Variants in PITPNM2 observed in about 807,000 individuals in gnomAD.
PITPNM2 encodes the protein phosphatidylinositol transfer protein membrane associated 2, also known as membrane-associated phosphatidylinositol transfer protein 2.
Under a neutral mutation model 132.2 loss-of-function variants are expected in PITPNM2, and 35 were observed. That is an observed-to-expected ratio of 0.26 (90% CI 0.20 to 0.35). The LOEUF (loss-of-function observed/expected upper bound fraction) is 0.35. Ranked by LOEUF, PITPNM2 falls within the 10% of genes least tolerant of loss-of-function variation. The probability of loss-of-function intolerance (pLI) is 1.00; values close to 1 mark genes in which losing one functional copy is unlikely to be tolerated. For missense variants in PITPNM2, 1,332 were observed against 1,912.0 expected, an observed-to-expected ratio of 0.70 and a Z score of 5.66; for synonymous variants, 738 against 799.2, an observed-to-expected ratio of 0.92 and a Z score of 1.29.
Position 122,987,336 on chromosome 12 carries a change from C to T in PITPNM2, c.3358G>A (p.Val1120Met), listed in dbSNP as rs147284580. The T allele has an allele frequency of 2.9e-5, 46 of 1,612,570 alleles. No individual in the cohort carries two copies. In the African/African-American group the frequency reaches 3.2e-4, roughly 11 times the overall value. The change falls in exon 23 of 26, where the codon GTG (valine) becomes ATG (methionine). Residue 1120 changes from valine to methionine, a missense_variant. Physicochemically the swap from Val to Met is conservative, Grantham distance 21. Coordinates refer to ENST00000320201, the MANE Select transcript of PITPNM2 (RefSeq NM_020845.3). ...FSIDGSFAAS[V>M]SIMGSDPKVR... is the part of the protein sequence containing the mutation. ...TTGGGGTCGCTGCCCATGATGGACA[C>T]GCTAGCGGCAAAGGAACCGTCGATG...
At chr12:123,110,071 C>T (rs2042804505) in intron 2 of PITPNM2, among the ~76,000 whole-genome samples, 1 of 152,172 alleles carries the variant, frequency 6.6e-6, no homozygotes, top group African/African-American at 2.4e-5. Context: ...GATCGTCCTA[C>T]ATCAGCCTCC....
rs548061306 is a variant in PITPNM2 at position 123,131,799 on chromosome 12, A to C, written c.-200+18954T>G. 3.9e-5 allele frequency among the ~76,000 whole-genome samples: 6 copies of C among 152,342 alleles called. No individual in the cohort carries two copies. In the South Asian group the frequency reaches 1.0e-3, roughly 26 times the overall value. On this transcript the variant is annotated intron_variant, in intron 1 of 25. Transcript: ENST00000320201. Reference sequence around the variant, plus strand: ...TGACTGCTTACTGGAAGGGATCATCACATGTGCCAGACACAAGGATGAATC... The same window carrying C: ...TGACTGCTTACTGGAAGGGATCATCCCATGTGCCAGACACAAGGATGAATC...
intron 2 of PITPNM2, among the ~76,000 whole-genome samples, chr12:123,037,328 G>C (rs1566260689): frequency 1.3e-5 from 2 of 152,320 alleles, no homozygotes; most frequent in East Asian, 3.9e-4. Flanking sequence ...TTGGAGACGG[G>C]AAGGGAAAAT....
chr12:123,009,974 G>A lies in PITPNM2; in HGVS notation c.519C>T (p.Ser173=), dbSNP rs755275047. 6 of 1,614,054 alleles carry A rather than the reference G, an allele frequency of 3.7e-6. No homozygotes were observed. The African/African-American group carries it at 4.0e-5, about 11-fold the overall frequency. ...QSTKTQRGPL[S]ENWIEEYKKQ... ...TCTTGTACTCCTCGATCCAGTTCTC[G>A]GACAGGGGCCCCCGCTGGGTCTTGG... is the stretch of plus-strand genomic sequence containing the variant. Residue 173 remains serine (S), a synonymous_variant, in exon 6 of 26, where the codon TCC becomes TCT. Coordinates refer to ENST00000320201, the MANE Select transcript of PITPNM2 (RefSeq NM_020845.3). This position sits in a 1 kb window ranked among gnomAD's most constrained non-coding sequence, Gnocchi z 4.8.
chr12:123,132,210 C>T (rs189053204), intron 1 of PITPNM2, among the ~76,000 whole-genome samples: 121 of 152,358 alleles, frequency 7.9e-4, no homozygotes, highest in African/African-American at 2.6e-3. Context: ...ACATGCCCAA[C>T]GTCAGGTGCA....
In PITPNM2 at chr12:123,005,297, C is replaced by G; in HGVS notation, c.895G>C (p.Gly299Arg). 2 of 1,613,994 alleles carry G rather than the reference C, an allele frequency of 1.2e-6. No homozygotes were observed. The highest frequency in any genetic ancestry group is 1.7e-6 in the Non-Finnish European group (2 of 1,180,004). Residue 299 changes from glycine to arginine, a missense_variant, in exon 7 of 26, where the codon GGC becomes CGC. Gly to Arg is a moderately radical substitution (Grantham distance 125, BLOSUM62 -2). Coordinates refer to ENST00000320201, the MANE Select transcript of PITPNM2 (RefSeq NM_020845.3). This position sits in a 1 kb window ranked among gnomAD's most constrained non-coding sequence, Gnocchi z 6.2. ...GATGTGGACCACTGTTTCTTGAGGC[C>G]GCGCCCCACTAGGGGCTCCCCATTG... The part of the protein sequence containing the change: ...SSNGEPLVGR[G>R]LKKQWSTSSK...
At position 122,993,000 on chromosome 12, in the gene PITPNM2, T is replaced by TG. The variant is rs1346665410; in HGVS notation, c.2234-332_2234-331insC. Among the ~76,000 whole-genome samples, 1 of 152,056 alleles carries TG rather than the reference T, an allele frequency of 6.6e-6. No individual in the cohort carries two copies. The highest frequency in any genetic ancestry group is 1.5e-5 in the Non-Finnish European group (1 of 68,014). On this transcript the variant is annotated intron_variant, in intron 15 of 25. Coordinates refer to ENST00000320201, the MANE Select transcript of PITPNM2 (RefSeq NM_020845.3). The surrounding 1 kb of genome is among the most constrained non-coding windows in gnomAD (Gnocchi z 6.5). ...ACCACCACACCTGGCTTTTTTATTTTATTTTTTGTAGAGATGGGGTCTTAC... is the reference window on the plus strand; with the variant it reads ...ACCACCACACCTGGCTTTTTTATTTTGATTTTTTGTAGAGATGGGGTCTTAC...
At chr12:122,997,826 G>A (rs761575703) in intron 10 of PITPNM2, among the ~76,000 whole-genome samples, 4 of 152,158 alleles carry the variant, frequency 2.6e-5, no homozygotes, top group Non-Finnish European at 1.5e-5. Flanking sequence ...CTGCAGCCCT[G>A]CTCCTGTCTG....
chr12:123,116,820 C>G (rs2137397402), intron 1 of PITPNM2, among the ~76,000 whole-genome samples: 1 of 152,218 alleles, frequency 6.6e-6, no homozygotes, highest in South Asian at 2.1e-4. Context: ...GCCAGCAGCC[C>G]TAGCAGATAC....
intron 2 of PITPNM2, among the ~76,000 whole-genome samples, chr12:123,069,986 G>A (rs1249785158): frequency 1.3e-5 from 2 of 152,146 alleles, no homozygotes; most frequent in South Asian, 2.1e-4. Context: ...CTCTGCACCC[G>A]GTGCTCATAT....
At chr12:123,011,701 C>G (rs61592192) in intron 5 of PITPNM2, among the ~76,000 whole-genome samples, 6,371 of 152,136 alleles carry the variant, frequency 0.042, 444 homozygotes, top group African/African-American at 0.14. Flanking sequence ...ATGTGACGAA[C>G]GAGGCAGAGA....
chr12:123,134,388 C>T (rs887959724), intron 1 of PITPNM2, among the ~76,000 whole-genome samples: 2 of 152,106 alleles, frequency 1.3e-5, no homozygotes, highest in Admixed American at 1.3e-4. Flanking sequence ...AGAGCACACC[C>T]AGGACATTGG....
chr12:122,996,596 G>A lies in PITPNM2; in HGVS notation c.1663-19C>T. Reference sequence around the variant, plus strand: ...GGCAGACCTTGGGAGAGAGGGGCCAGAGGCCTGAGCCATTCACCCGCTCGC... The same window carrying A: ...GGCAGACCTTGGGAGAGAGGGGCCAAAGGCCTGAGCCATTCACCCGCTCGC... On this transcript the variant is annotated intron_variant, in intron 12 of 25. Transcript: ENST00000320201. 1.9e-6 allele frequency: 3 copies of A among 1,613,070 alleles called. No individual in the cohort carries two copies. The South Asian group carries it at 3.3e-5, about 18-fold the overall frequency.
At position 123,077,277 on chromosome 12, in the gene PITPNM2, G is replaced by A. The variant is rs1258295221; in HGVS notation, c.-96+33108C>T. ...AATCTTGGTTATGGGGGATATCGGGGTGGGGAGGGACACCCCTTGTTATCA... is the reference window on the plus strand; with the variant it reads ...AATCTTGGTTATGGGGGATATCGGGATGGGGAGGGACACCCCTTGTTATCA... On this transcript the variant is annotated intron_variant, in intron 2 of 25. Coordinates refer to ENST00000320201, the MANE Select transcript of PITPNM2 (RefSeq NM_020845.3). The surrounding 1 kb of genome is among the most constrained non-coding windows in gnomAD (Gnocchi z 4.8). 6.6e-6 allele frequency among the ~76,000 whole-genome samples: 1 copy of A among 152,142 alleles called. No homozygotes were observed. Among genetic ancestry groups the A allele is most frequent in the East Asian group, 1.9e-4 (1 of 5,190 alleles).
rs192784739 is a variant in PITPNM2, at chr12:123,031,815, G to T, written c.78+2698C>A. Among the ~76,000 whole-genome samples, 2 of 152,340 alleles carry T rather than the reference G, an allele frequency of 1.3e-5. No homozygotes were observed. The highest frequency in any genetic ancestry group is 1.3e-4 in the Admixed American group (2 of 15,300). On this transcript the variant is annotated intron_variant, in intron 3 of 25. Coordinates refer to ENST00000320201, the MANE Select transcript of PITPNM2 (RefSeq NM_020845.3). The surrounding 1 kb of genome is among the most constrained non-coding windows in gnomAD (Gnocchi z 4.5). ...ACCTTTCTTTTTTAACAGGAAAGCA[G>T]ACGTGTGCACACATGCTTGCTCACC...
rs1566303194 is a variant in PITPNM2, at chr12:123,125,863, G to GCT, written c.-199-15376_-199-15375insAG. Among the ~76,000 whole-genome samples, 268 of 79,622 alleles carry GCT rather than the reference G, an allele frequency of 3.4e-3. 7 individuals are homozygous for GCT. Among genetic ancestry groups the GCT allele is most frequent in the African/African-American group, 0.011 (253 of 23,938 alleles). The allele number at this position is 79,622 out of a possible 152,430, so 52.2% of individuals were successfully genotyped here. On this transcript the variant is annotated intron_variant, in intron 1 of 25. Coordinates refer to ENST00000320201, the MANE Select transcript of PITPNM2 (RefSeq NM_020845.3). ...TCTCAAAAAAAAAAAAAAAAATTAG[G>GCT]GTTTTTTTTTTTTTTTTTTTTTTTG...
In PITPNM2 at chr12:123,034,274, C is replaced by A. The variant is rs566125522; in HGVS notation, c.78+239G>T. On this transcript the variant is annotated intron_variant, in intron 3 of 25. Coordinates refer to ENST00000320201, the MANE Select transcript of PITPNM2 (RefSeq NM_020845.3). ...TGCTGAACGCAAGGGCAAGTGTTCG[C>A]GTTGTAGGCGGCGGGACACAGTGCC... 5.6e-5 allele frequency: 29 copies of A among 515,988 alleles called. No individual in the cohort carries two copies. The South Asian group carries it at 9.5e-4, about 17-fold the overall frequency. The allele number at this position is 515,988 out of a possible 1,614,324, so 32.0% of individuals were successfully genotyped here.
chr12:123,007,345 T>C (rs1054661765), intron 6 of PITPNM2: 9 of 456,494 alleles, frequency 2.0e-5, no homozygotes, highest in African/African-American at 1.8e-4. Flanking sequence ...CTAATTTACA[T>C]TGTTTCTCCA....
Position 122,987,419 on chromosome 12 carries a change from G to C in PITPNM2, c.3275C>G (p.Thr1092Arg). 6.2e-7 allele frequency: 1 copy of C among 1,613,880 alleles called. No homozygotes were observed. Among genetic ancestry groups the C allele is most frequent in the Non-Finnish European group, 8.5e-7 (1 of 1,180,014 alleles). ...CACGGTGATGTAGCTGTCGGCAAACGTGTGGTCTCCCCTGGCAGGTGGTGG... is the reference window on the plus strand; with the variant it reads ...CACGGTGATGTAGCTGTCGGCAAACCTGTGGTCTCCCCTGGCAGGTGGTGG... ...PIKMVVRGDHTFADSYITVLP... is the reference protein window; with the variant it reads ...PIKMVVRGDHRFADSYITVLP... Residue 1092 changes from threonine to arginine, a missense_variant, in exon 23 of 26, where the codon ACG becomes AGG. Coordinates refer to ENST00000320201, the MANE Select transcript of PITPNM2 (RefSeq NM_020845.3).
Sources: gnomAD v4.1 joint callset for allele counts (sites outside exome capture counted in the v4.1 genomes callset) on GRCh38, gnomAD v4.1.1 for gene constraint, Gnocchi (gnomAD v3.1) non-coding constraint, MANE v1.5 for transcripts, NCBI Gene and HGNC (gene_info 2026-07-23, HGNC 2026-07-21) for gene names.